The following A1CF variants were observed in gnomAD, a reference collection of about 807,000 sequenced individuals.
The protein encoded by A1CF is APOBEC-1 stimulating protein.
A neutral mutation model predicts 68.9 loss-of-function variants in A1CF; 48 were observed. The ratio of observed to expected loss-of-function variants is 0.70; its 90% CI spans 0.55 to 0.89. The LOEUF (loss-of-function observed/expected upper bound fraction) is 0.89, where lower values mean the gene tolerates loss of function less well. A1CF is among the 40% of genes least tolerant of loss of function. The pLI, the probability that A1CF is intolerant of heterozygous loss-of-function variation, is 0.00. For missense variants in A1CF, 653 were observed against 718.9 expected (o/e 0.91, Z 1.05); for synonymous variants, 272 against 260.4 (o/e 1.04, Z -0.43).
intron 1 of A1CF, among the ~76,000 whole-genome samples, chr10:50,874,035 C>T (rs1314027853): frequency 6.6e-6 from 1 of 152,012 alleles, no homozygotes; most frequent in Non-Finnish European, 1.5e-5. Context: ...GGCATTAAAT[C>T]AGGGCATTAA....
intron 6 of A1CF, among the ~76,000 whole-genome samples, chr10:50,831,343 A>G (rs1407272448): frequency 6.6e-6 from 1 of 152,236 alleles, no homozygotes; most frequent in East Asian, 1.9e-4. Context: ...GGAAAAAAAT[A>G]TTTACAAAGC....
At chr10:50,841,775 C>A in intron 5 of A1CF, 87 bp downstream of exon 5, 1 of 1,501,528 alleles carries the variant, frequency 6.7e-7, no homozygotes, top group East Asian at 2.3e-5. Flanking sequence ...TTTTTTTTGG[C>A]ATACACCATA....
At chr10:50,848,443 T>C (rs954732168) in intron 3 of A1CF, among the ~76,000 whole-genome samples, 38 of 152,184 alleles carry the variant, frequency 2.5e-4, no homozygotes, top group African/African-American at 8.9e-4. Context: ...GCCTCATAAA[T>C]CCTCATGTTG....
At chr10:50,815,235 G>C (rs1838309113) in intron 9 of A1CF, among the ~76,000 whole-genome samples, 1 of 152,176 alleles carries the variant, frequency 6.6e-6, no homozygotes. Context: ...AAAAGACAGG[G>C]ACAAGCTAGT....
chr10:50,831,887 G>A (rs35182775), intron 6 of A1CF, among the ~76,000 whole-genome samples: 33,210 of 151,988 alleles, frequency 0.22, 3,852 homozygotes, highest in Middle Eastern at 0.3. Context: ...ACACCTGGTA[G>A]AATGGCCATT....
intron 2 of A1CF, 46 bp downstream of exon 2, chr10:50,863,987 A>C (rs1179711159): frequency 6.6e-6 from 1 of 152,218 alleles, no homozygotes; most frequent in Non-Finnish European, 1.5e-5. Context: ...GAATATGTAC[A>C]ACTAATATAT....
rs1837581539 is a variant in A1CF, at chr10:50,801,060, CT to C, written c.*5668del. On this transcript the variant is annotated 3_prime_UTR_variant, in exon 13 of 13. Transcript: ENST00000373997. ...CCAAGCAAGTGTCCCCAAGAGCTATCTTTTGTCTTGCCCCACCACCTAACCT... is the reference window on the plus strand; with the variant it reads ...CCAAGCAAGTGTCCCCAAGAGCTATCTTTGTCTTGCCCCACCACCTAACCT... The C allele has an allele frequency of 6.6e-6, 1 of 152,338 alleles. No individual in the cohort carries two copies. The highest frequency in any genetic ancestry group is 1.5e-5 in the Non-Finnish European group (1 of 68,150). 9.4% of individuals were successfully genotyped at this position (152,338 alleles called of 1,614,324 possible). A position where few individuals can be genotyped will look rare whatever the true frequency, so the allele number is the denominator to read the frequency against.
rs141711783 is a variant in A1CF at position 50,813,944 on chromosome 10, G to C, written c.1236C>G (p.Asp412Glu). 2 of 1,613,794 alleles carry C rather than the reference G, an allele frequency of 1.2e-6. No homozygotes were observed. Among genetic ancestry groups the C allele is most frequent in the African/African-American group, 2.7e-5 (2 of 74,904 alleles). Residue 412 changes from aspartate to glutamate, a missense_variant, in exon 10 of 13, where the codon GAC becomes GAG. Coordinates refer to ENST00000373997, the MANE Select transcript of A1CF (RefSeq NM_014576.4). ...GYQVKGDKRE[D>E]KLYDILPGME... ...TCCCAGGTAAAATGTCATAGAGTTTGTCTTCTCTTTTGTCTCCTTTGACCT... is the reference window on the plus strand; with the variant it reads ...TCCCAGGTAAAATGTCATAGAGTTTCTCTTCTCTTTTGTCTCCTTTGACCT...
intron 11 of A1CF, 77 bp from the exon 12 acceptor site, chr10:50,810,119 G>T: frequency 6.5e-7 from 1 of 1,537,728 alleles, no homozygotes; most frequent in Non-Finnish European, 8.9e-7. Context: ...GGCACTATCA[G>T]CTTTGTAAGA....
intron 1 of A1CF, among the ~76,000 whole-genome samples, chr10:50,873,175 C>T (rs1449764970): frequency 2.6e-5 from 4 of 151,862 alleles, no homozygotes; most frequent in Non-Finnish European, 5.9e-5. Flanking sequence ...AGGCTGGTCT[C>T]GAACTCCTGA....
At chr10:50,832,179 G>T (rs1487317607) in intron 6 of A1CF, among the ~76,000 whole-genome samples, 2 of 152,152 alleles carry the variant, frequency 1.3e-5, no homozygotes, top group Admixed American at 1.3e-4. Context: ...TTCATTGACA[G>T]ATAAATAGAT....
chr10:50,843,758 T>G (rs1839878775), intron 4 of A1CF, among the ~76,000 whole-genome samples: 1 of 152,182 alleles, frequency 6.6e-6, no homozygotes, highest in Admixed American at 6.5e-5. Context: ...GATATAGATT[T>G]GACAGTCATT....
At chr10:50,847,062 G>T (rs1236311733) in intron 3 of A1CF, among the ~76,000 whole-genome samples, 2 of 152,202 alleles carry the variant, frequency 1.3e-5, no homozygotes, top group East Asian at 3.8e-4. Flanking sequence ...TATTTTCATA[G>T]TTGAGGAGTT....
chr10:50,865,039 TC>T, intron 1 of A1CF, among the ~76,000 whole-genome samples: 1 of 152,038 alleles, frequency 6.6e-6, no homozygotes, highest in African/African-American at 2.4e-5. Flanking sequence ...TCCCTGTAAT[TC>T]CAGCAATTTG....
intron 1 of A1CF, among the ~76,000 whole-genome samples, chr10:50,875,381 A>G (rs899917663): frequency 6.6e-6 from 1 of 152,210 alleles, no homozygotes; most frequent in Non-Finnish European, 1.5e-5. Context: ...TGACCACTGC[A>G]TGCATAAAAC....
rs35967725 is a variant in A1CF, at chr10:50,843,994, A to G, written c.228T>C (p.Cys76=). 7.6e-3 allele frequency: 12,320 copies of G among 1,613,162 alleles called. 72 individuals are homozygous for G. Among genetic ancestry groups the G allele is most frequent in the South Asian group, 9.7e-3 (877 of 90,820 alleles). The change falls in exon 4 of 13, where the codon TGT becomes TGC. Residue 76 remains cysteine (C), a synonymous_variant. Coordinates refer to ENST00000373997, the MANE Select transcript of A1CF (RefSeq NM_014576.4). The part of the protein sequence containing the change: ...DLFEDELIPL[C]EKIGKIYEMR... ...ATGTTAAATTTGGACTCACTTTTTC[A>G]CATAATGGTATAAGCTCATCCTCAA...
chr10:50,865,228 C>T (rs530485885), intron 1 of A1CF, among the ~76,000 whole-genome samples: 3 of 152,142 alleles, frequency 2.0e-5, no homozygotes, highest in South Asian at 4.1e-4. Context: ...CACTGCACTC[C>T]AGCCTGGGTG....
At chr10:50,870,075 A>G (rs1490767818) in intron 1 of A1CF, among the ~76,000 whole-genome samples, 1 of 151,892 alleles carries the variant, frequency 6.6e-6, no homozygotes, top group Non-Finnish European at 1.5e-5. Flanking sequence ...TGATAATTTA[A>G]TCCATTTATA....
intron 2 of A1CF, among the ~76,000 whole-genome samples, chr10:50,860,503 A>G (rs1335948662): frequency 2.0e-5 from 3 of 152,210 alleles, no homozygotes; most frequent in African/African-American, 4.8e-5. Context: ...GTCATCATGC[A>G]AAGTACTCTA....
Sources: gnomAD v4.1 joint callset for allele counts (sites outside exome capture counted in the v4.1 genomes callset) on GRCh38, gnomAD v4.1.1 for gene constraint, MANE v1.5 for transcripts, NCBI Gene and HGNC (gene_info 2026-07-23, HGNC 2026-07-21) for gene names.